Variants in RFX7 observed in about 807,000 individuals in gnomAD.
RFX7 encodes regulatory factor X7.
In RFX7, 26 loss-of-function variants were observed where a neutral mutation model predicts 111.8. The ratio of observed to expected loss-of-function variants is 0.23; its 90% CI spans 0.17 to 0.32. RFX7 has a LOEUF of 0.32. Ranked by LOEUF, RFX7 falls within the 10% of genes least tolerant of loss-of-function variation. The pLI is 1.00. For missense variants in RFX7, 1,573 were observed against 1,772.9 expected, an observed-to-expected ratio of 0.89 and a Z score of 2.02; for synonymous variants, 624 against 624.4, an observed-to-expected ratio of 1.00 and a Z score of 0.01.
At chr15:56,137,263 T>G (rs1213725374) in intron 5 of RFX7, among the ~76,000 whole-genome samples, 1 of 152,184 alleles carries the variant, frequency 6.6e-6, no homozygotes. Context: ...TTTTGGTTGG[T>G]AAGCTATTGA....
chr15:56,203,535 G>C (rs1359138171), intron 2 of RFX7, among the ~76,000 whole-genome samples: 1 of 152,134 alleles, frequency 6.6e-6, no homozygotes, highest in Non-Finnish European at 1.5e-5. Context: ...GAAACCTACT[G>C]GGCTGCATTC....
In RFX7 at chr15:56,107,114, G is replaced by A. The variant is rs186664566; in HGVS notation, c.402-3444C>T. Among the ~76,000 whole-genome samples the A allele has an allele frequency of 4.9e-4, 74 of 151,936 alleles. 1 individual carries two copies. In the East Asian group the frequency reaches 9.5e-3, roughly 20 times the overall value. ...AGATCGAGACCATCCTGGCTAACAC[G>A]GTGAAACCCTGCCTCTACTAAAAAT... On this transcript the variant is annotated intron_variant, in intron 5 of 9. Transcript: ENST00000559447.
At chr15:56,176,796 T>C (rs1007696587) in intron 3 of RFX7, among the ~76,000 whole-genome samples, 2 of 152,156 alleles carry the variant, frequency 1.3e-5, no homozygotes, top group East Asian at 3.9e-4. Context: ...TAAATCCATC[T>C]ACTTACAAAA....
chr15:56,231,142 G>A (rs745616047), intron 2 of RFX7, among the ~76,000 whole-genome samples: 1 of 152,194 alleles, frequency 6.6e-6, no homozygotes, highest in Non-Finnish European at 1.5e-5. Flanking sequence ...TAGCAAGAAG[G>A]CTTATTTTGA....
chr15:56,179,763 C>G (rs2042946676), intron 2 of RFX7, among the ~76,000 whole-genome samples: 1 of 7,650 alleles, frequency 1.3e-4, no homozygotes, highest in Admixed American at 1.5e-3. Context: ...TCTGTCTCAA[C>G]ACACACACAC....
chr15:56,239,636 C>A (rs2043664457), intron 2 of RFX7, among the ~76,000 whole-genome samples: 1 of 152,222 alleles, frequency 6.6e-6, no homozygotes, highest in South Asian at 2.1e-4. Flanking sequence ...ACTTGTGGCA[C>A]TAAAAACGTT....
chr15:56,128,842 A>G (rs1168766036), intron 5 of RFX7, among the ~76,000 whole-genome samples: 1 of 152,102 alleles, frequency 6.6e-6, no homozygotes, highest in Non-Finnish European at 1.5e-5. Context: ...TAGAGCTAAT[A>G]AAGGTGAGCA....
rs2041611889 is a variant in RFX7 at position 56,092,701 on chromosome 15, C to T, written c.*644G>A. On this transcript the variant is annotated 3_prime_UTR_variant, in exon 10 of 10. Transcript: ENST00000559447. ...GCAAGGTCACAAATATAAATGGCTA[C>T]TTGTTTTTTTTCCCTTAAAAATTTT... 1 of 152,478 alleles carries T rather than the reference C, an allele frequency of 6.6e-6. No homozygotes were observed. The highest frequency in any genetic ancestry group is 2.1e-4 in the South Asian group (1 of 4,828). The allele number at this position is 152,478 out of a possible 1,614,324, so 9.4% of individuals were successfully genotyped here. A position where few individuals can be genotyped will look rare whatever the true frequency, so the allele number is the denominator to read the frequency against.
chr15:56,226,881 T>A (rs2043491455), intron 2 of RFX7, among the ~76,000 whole-genome samples: 1 of 151,992 alleles, frequency 6.6e-6, no homozygotes, highest in South Asian at 2.1e-4. Flanking sequence ...CACCCAAAAC[T>A]CGGATGGGAG....
chr15:56,232,321 C>T (rs551411326), intron 2 of RFX7, among the ~76,000 whole-genome samples: 180 of 152,248 alleles, frequency 1.2e-3, no homozygotes, highest in Non-Finnish European at 2.3e-3. Context: ...CTGAAATCTA[C>T]GTAAAGATTT....
chr15:56,221,582 T>C (rs1281584538), intron 2 of RFX7, among the ~76,000 whole-genome samples: 1 of 152,212 alleles, frequency 6.6e-6, no homozygotes, highest in African/African-American at 2.4e-5. Flanking sequence ...ATTAAGTTAA[T>C]GGTCTTGTTT....
At chr15:56,173,162 T>G (rs1234221171) in intron 3 of RFX7, among the ~76,000 whole-genome samples, 5 of 152,088 alleles carry the variant, frequency 3.3e-5, no homozygotes, top group Non-Finnish European at 5.9e-5. Context: ...GCTTCAAAAT[T>G]TACACAAATC....
intron 3 of RFX7, among the ~76,000 whole-genome samples, chr15:56,158,220 A>T (rs2042677888): frequency 6.6e-6 from 1 of 152,208 alleles, no homozygotes; most frequent in Admixed American, 6.5e-5. Context: ...TAGAAGACCC[A>T]GATCTGAGTT....
At chr15:56,201,785 C>G (rs1221070171) in intron 2 of RFX7, among the ~76,000 whole-genome samples, 1 of 152,142 alleles carries the variant, frequency 6.6e-6, no homozygotes, top group East Asian at 1.9e-4. Context: ...AATCCCAGCA[C>G]TTTGGGAGGC....
chr15:56,142,550 T>A (rs376216881), intron 5 of RFX7, among the ~76,000 whole-genome samples: 5 of 152,304 alleles, frequency 3.3e-5, no homozygotes, highest in African/African-American at 1.2e-4. Context: ...ACCTCCCTCC[T>A]GTCATCCTGA....
At chr15:56,190,981 CTTAGAAATTAAATCT>C (rs1396595763) in intron 2 of RFX7, among the ~76,000 whole-genome samples, 4 of 152,184 alleles carry the variant, frequency 2.6e-5, no homozygotes, top group African/African-American at 9.6e-5. Context: ...AAAGAGACAT[CTTAGAAATTAAATCT>C]ATTTAGGCTG....
rs756089321 is a variant in RFX7, at chr15:56,095,065, A to C, written c.2663T>G (p.Val888Gly). 1 of 1,613,986 alleles carries C rather than the reference A, an allele frequency of 6.2e-7. No individual in the cohort carries two copies. The highest frequency in any genetic ancestry group is 1.1e-5 in the South Asian group (1 of 91,074). ...FDDELTQDSI[V>G]EELVLMEQQM... ...CTGCTCCATAAGCACCAGCTCTTCC[A>C]CAATACTATCTTGTGTAAGTTCATC... Residue 888 changes from valine to glycine, a missense_variant, in exon 10 of 10, where the codon GTG becomes GGG. This residue lies in a region of RFX7 where 625 missense variants were observed against 632.2 expected (regional missense o/e 0.99). Transcript: ENST00000559447.
intron 2 of RFX7, among the ~76,000 whole-genome samples, chr15:56,200,824 G>C (rs1326035657): frequency 6.6e-6 from 1 of 151,882 alleles, no homozygotes; most frequent in Admixed American, 6.6e-5. Flanking sequence ...TTGTGTCAGA[G>C]ATAAGGCAGA....
chr15:56,193,008 T>A (rs570854532), intron 2 of RFX7: 1 of 209,570 alleles, frequency 4.8e-6, no homozygotes, highest in African/African-American at 2.3e-5. Flanking sequence ...CTTAGGGTTT[T>A]CTCCACAAAT....
Sources: gnomAD v4.1 joint callset for allele counts (sites outside exome capture counted in the v4.1 genomes callset) on GRCh38, gnomAD v4.1.1 for gene constraint, gnomAD v4.1.1 regional missense constraint, MANE v1.5 for transcripts, NCBI Gene and HGNC (gene_info 2026-07-23, HGNC 2026-07-21) for gene names.